COPG2: variants seen among roughly 807,000 people sequenced by gnomAD.
COPG2 encodes the protein coat protein complex I subunit gamma 2.
A neutral mutation model predicts 46.3 loss-of-function variants in COPG2; 37 were observed. The observed-to-expected ratio is 0.80, with a 90% CI of 0.61 to 1.05. The LOEUF is 1.05. Among genes scored for constraint, COPG2 ranks in the 50% least tolerant of loss-of-function variants. COPG2 has a pLI of 0.00. For missense variants in COPG2, 427 were observed against 387.8 expected, an observed-to-expected ratio of 1.10 and a Z score of -0.85; for synonymous variants, 159 against 129.7, an observed-to-expected ratio of 1.23 and a Z score of -1.53.
chr7:130,512,810 T>C (rs782617792), intron 20 of COPG2, among the ~76,000 whole-genome samples: 5 of 152,138 alleles, frequency 3.3e-5, no homozygotes, highest in Non-Finnish European at 5.9e-5. Context: ...TCGTAGACTA[T>C]TGCACAGTGT....
chr7:130,517,739 A>T (rs1213339269), intron 20 of COPG2, among the ~76,000 whole-genome samples: 1 of 152,248 alleles, frequency 6.6e-6, no homozygotes, highest in Non-Finnish European at 1.5e-5. Context: ...TGGATAGGTA[A>T]GATATGATAG....
Position 130,657,376 on chromosome 7 carries a change from T to C in COPG2, c.244-4428A>G, listed in dbSNP as rs188495878. Among the ~76,000 whole-genome samples the C allele has an allele frequency of 6.6e-5, 10 of 152,114 alleles. No individual in the cohort carries two copies. In the East Asian group the frequency reaches 1.7e-3, roughly 26 times the overall value. On this transcript the variant is annotated intron_variant, in intron 4 of 23. Transcript: ENST00000425248. ...AAACCAACCATTACTTTATACCATA[T>C]ACAAAAATCAATATGAAATGGATCA... is the stretch of plus-strand genomic sequence containing the variant.
At chr7:130,594,334 T>C (rs1042658518) in intron 9 of COPG2, among the ~76,000 whole-genome samples, 8 of 152,166 alleles carry the variant, frequency 5.3e-5, no homozygotes, top group Non-Finnish European at 7.4e-5. Flanking sequence ...GTTGAATCTC[T>C]ATCCCACAGC....
chr7:130,508,183 T>G (rs1799533316), intron 21 of COPG2: 1 of 254,448 alleles, frequency 3.9e-6, no homozygotes, highest in Non-Finnish European at 7.5e-6. Context: ...ATCCATGATC[T>G]GGCTATAAAC....
intron 20 of COPG2, among the ~76,000 whole-genome samples, chr7:130,542,804 G>T (rs1274296671): frequency 1.3e-5 from 2 of 152,120 alleles, no homozygotes; most frequent in Non-Finnish European, 2.9e-5. Context: ...ATAACCTTAT[G>T]AATTTGTGCA....
chr7:130,628,391 C>T (rs1404394700), intron 5 of COPG2, among the ~76,000 whole-genome samples: 2 of 151,894 alleles, frequency 1.3e-5, no homozygotes, highest in Non-Finnish European at 2.9e-5. Context: ...GTTGTTGCCC[C>T]AGGGTTTATA....
At chr7:130,621,943 CAAAAAAA>C (rs562107230) in intron 5 of COPG2, among the ~76,000 whole-genome samples, 21 of 67,538 alleles carry the variant, frequency 3.1e-4, no homozygotes, top group Non-Finnish European at 4.9e-4. Flanking sequence ...GACTCCATCT[CAAAAAAA>C]AAAAAAAAAA....
chr7:130,637,266 G>A (rs1381071020), intron 5 of COPG2, among the ~76,000 whole-genome samples: 1 of 152,096 alleles, frequency 6.6e-6, no homozygotes, highest in African/African-American at 2.4e-5. Context: ...TTGAATGTTG[G>A]CCTGTCTTGC....
rs1563072030 is a variant in COPG2 at position 130,652,931 on chromosome 7, C to T, written c.261G>A (p.Met87Ile). The T allele has an allele frequency of 4.4e-6, 7 of 1,601,904 alleles. No homozygotes were observed. Among genetic ancestry groups the T allele is most frequent in the East Asian group, 4.5e-5 (2 of 44,634 alleles). The change falls in exon 5 of 24, where the codon ATG becomes ATA. Residue 87 changes from methionine to isoleucine, a missense_variant. Transcript: ENST00000425248. The stretch of plus-strand genomic sequence containing the variant: ...CCATTTCTTTGATGGTAAGGTAGCA[C>T]ATTCTCCTCAATGTTTGCTGAAAAA... ...FQSNDQTLRRMCYLTIKEMAT... is the reference protein window; with the variant it reads ...FQSNDQTLRRICYLTIKEMAT...
At chr7:130,574,492 G>C (rs1255495163) in intron 9 of COPG2, among the ~76,000 whole-genome samples, 3 of 152,106 alleles carry the variant, frequency 2.0e-5, no homozygotes, top group Non-Finnish European at 4.4e-5. Context: ...ATAGGAAAAG[G>C]GGGAGAGTAC....
chr7:130,630,132 C>T (rs1554454968), intron 5 of COPG2, among the ~76,000 whole-genome samples: 7 of 151,830 alleles, frequency 4.6e-5, no homozygotes, highest in African/African-American at 9.7e-5. Flanking sequence ...AGGATGGTCT[C>T]GATCTCTTGA....
intron 9 of COPG2, among the ~76,000 whole-genome samples, chr7:130,578,900 T>G (rs1794072972): frequency 6.7e-6 from 1 of 148,966 alleles, no homozygotes; most frequent in Non-Finnish European, 1.5e-5. Context: ...ATGGGGAGAA[T>G]GGAACCAAGT....
chr7:130,541,375 G>A (rs1462962160), intron 20 of COPG2, among the ~76,000 whole-genome samples: 1 of 151,920 alleles, frequency 6.6e-6, no homozygotes, highest in Non-Finnish European at 1.5e-5. Context: ...GAGACAGTGT[G>A]GAAGGAGAGC....
intron 9 of COPG2, among the ~76,000 whole-genome samples, chr7:130,608,718 T>TTA (rs1554451629): frequency 2.0e-5 from 3 of 152,110 alleles, no homozygotes; most frequent in African/African-American, 7.2e-5. Context: ...GTCTTTTTTT[T>TTA]AAAAAAAGGC....
chr7:130,633,571 G>A (rs1646630), intron 5 of COPG2, among the ~76,000 whole-genome samples: 1,940 of 152,268 alleles, frequency 0.013, 42 homozygotes, highest in African/African-American at 0.045. Context: ...TTTTGATGGG[G>A]TGGTTTTTTT....
intron 20 of COPG2, chr7:130,510,056 C>T (rs1403912363): frequency 3.9e-6 from 2 of 519,114 alleles, no homozygotes; most frequent in Non-Finnish European, 7.7e-6. Context: ...TTGTAAAATA[C>T]CTTGTATTTC....
intron 5 of COPG2, among the ~76,000 whole-genome samples, chr7:130,618,463 C>T (rs1275307765): frequency 2.0e-5 from 3 of 152,130 alleles, no homozygotes; most frequent in African/African-American, 4.8e-5. Context: ...TATCTGGGTA[C>T]TATCTGTTCA....
chr7:130,667,491 A>C lies in COPG2; in HGVS notation c.81T>G (p.Val27=), dbSNP rs781843799. ...NPFQHLEKSA[V]LQEARIFNET... Reference sequence around the variant, plus strand: ...TACTTCCCAGTCATACCTCCTGTAAAACAGCACTCTTCTCCAGATGCTGGA... The same window carrying C: ...TACTTCCCAGTCATACCTCCTGTAACACAGCACTCTTCTCCAGATGCTGGA... Residue 27 remains valine (V), a synonymous_variant, in exon 2 of 24, where the codon GTT becomes GTG. Transcript: ENST00000425248. 2 of 1,613,546 alleles carry C rather than the reference A, an allele frequency of 1.2e-6. No homozygotes were observed. The highest frequency in any genetic ancestry group is 2.2e-5 in the South Asian group (2 of 90,988).
intron 9 of COPG2, among the ~76,000 whole-genome samples, chr7:130,574,396 G>T (rs1554445917): frequency 6.6e-6 from 1 of 152,194 alleles, no homozygotes; most frequent in Non-Finnish European, 1.5e-5. Flanking sequence ...CCTGGTACCA[G>T]CTTGGAGCTG....
Sources: gnomAD v4.1 joint callset for allele counts (sites outside exome capture counted in the v4.1 genomes callset) on GRCh38, gnomAD v4.1.1 for gene constraint, MANE v1.5 for transcripts, NCBI Gene and HGNC (gene_info 2026-07-23, HGNC 2026-07-21) for gene names.